The following CEP170B variants were observed in gnomAD, a reference collection of about 807,000 sequenced individuals.
CEP170B encodes centrosomal protein 170B.
A neutral mutation model predicts 120.6 loss-of-function variants in CEP170B; 55 were observed. The observed-to-expected ratio is 0.46, with a 90% CI of 0.37 to 0.57. The LOEUF is 0.57. Among genes scored for constraint, CEP170B ranks in the 20% least tolerant of loss-of-function variants. The pLI, the probability that CEP170B is intolerant of heterozygous loss-of-function variation, is 0.00. For missense variants in CEP170B, 2,212 were observed against 2,253.3 expected (o/e 0.98, Z 0.37); for synonymous variants, 1,033 against 954.5 (o/e 1.08, Z -1.52).
chr14:104,884,986 C>A (rs369019341), intron 9 of CEP170B, among the ~76,000 whole-genome samples: 11 of 114,652 alleles, frequency 9.6e-5, no homozygotes, highest in Admixed American at 1.9e-4. Context: ...GAGTGAGAGC[C>A]CTCGTGGGGA....
chr14:104,885,021 G>T (rs1251041334), intron 9 of CEP170B, among the ~76,000 whole-genome samples: 2 of 141,692 alleles, frequency 1.4e-5, no homozygotes, highest in African/African-American at 5.2e-5. Context: ...CGATGCCGGG[G>T]GTGGCGAGTG....
rs1268223014 is a variant in CEP170B at position 104,887,143 on chromosome 14, G to A, written c.2904G>A (p.Lys968=). 6.2e-7 allele frequency: 1 copy of A among 1,609,808 alleles called. No individual in the cohort carries two copies. The highest frequency in any genetic ancestry group is 1.7e-5 in the Admixed American group (1 of 60,010). ...TASTVSLRSG[K]SGPSPTTPQP... ...GCACCGTCAGCCTGCGTAGTGGCAAGAGCGGGCCCAGCCCCACAACCCCCC... is the reference window on the plus strand; with the variant it reads ...GCACCGTCAGCCTGCGTAGTGGCAAAAGCGGGCCCAGCCCCACAACCCCCC... The change falls in exon 12 of 19, where the codon AAG becomes AAA. Residue 968 remains lysine, a synonymous_variant. Transcript: ENST00000414716.
At chr14:104,881,027 A>G (rs1039205972) in intron 6 of CEP170B, among the ~76,000 whole-genome samples, 2 of 152,144 alleles carry the variant, frequency 1.3e-5, no homozygotes, top group Non-Finnish European at 2.9e-5. Context: ...CTCTGTCCCC[A>G]GTGGTGAGAG....
chr14:104,893,533 G>A lies in CEP170B; in HGVS notation c.4049G>A (p.Arg1350His), dbSNP rs772911584. ...TISAREELVQ[R>H]IPEASLNFQK... ...CCCTCCCTCTTGCAGCTGGTGCAGC[G>A]CATCCCCGAGGCCAGCCTCAACTTC... The change falls in exon 15 of 19, where the codon CGC (arginine) becomes CAC (histidine). Residue 1350 changes from arginine to histidine, a missense_variant. Physicochemically the swap from Arg to His is conservative, Grantham distance 29 (BLOSUM62 0). Coordinates refer to ENST00000414716, the MANE Select transcript of CEP170B (RefSeq NM_001112726.3). The A allele has an allele frequency of 5.9e-5, 94 of 1,602,876 alleles. No individual in the cohort carries two copies. In the East Asian group the frequency reaches 6.3e-4, roughly 11 times the overall value.
chr14:104,883,009 G>T (rs768608933), intron 7 of CEP170B, 26 bp from the exon 8 acceptor site: 7 of 1,487,100 alleles, frequency 4.7e-6, no homozygotes, highest in Middle Eastern at 3.6e-4. Flanking sequence ...CCTGAGGCCC[G>T]GTCTGAAGAC....
rs745357665 is a variant in CEP170B, at chr14:104,886,953, TCCACTC to T, written c.2718_2723del (p.His906_Ser907del). On this transcript the variant is annotated inframe_deletion, in exon 12 of 19. Transcript: ENST00000414716. ...GCTACCCGGGCCGCACGCATGGACT[TCCACTC>T]CCAGGACACCCACCTGATCTTGAAG... 1 of 1,608,750 alleles carries T rather than the reference TCCACTC, an allele frequency of 6.2e-7. No individual in the cohort carries two copies. Among genetic ancestry groups the T allele is most frequent in the Non-Finnish European group, 8.5e-7 (1 of 1,179,794 alleles).
In CEP170B at chr14:104,894,766, G is replaced by A. The variant is rs1374151072; in HGVS notation, c.4473G>A (p.Arg1491=). ...SGSLDLLTGN[R]SLASSAQPGL... ...GCCTGGACCTGCTCACAGGAAACAG[G>A]AGCTTGGCCAGCTCTGCACAGCCGG... The change falls in exon 19 of 19, where the codon AGG becomes AGA. Residue 1491 remains arginine (R), a synonymous_variant. Transcript: ENST00000414716. The A allele has an allele frequency of 1.9e-6, 3 of 1,602,972 alleles. No homozygotes were observed. The highest frequency in any genetic ancestry group is 2.7e-5 in the African/African-American group (2 of 74,806).
At position 104,867,678 on chromosome 14, in the gene CEP170B, C is replaced by T. The variant is rs142800428; in HGVS notation, c.-27-746C>T. Among the ~76,000 whole-genome samples, 38 of 152,094 alleles carry T rather than the reference C, an allele frequency of 2.5e-4. No homozygotes were observed. Among genetic ancestry groups the T allele is most frequent in the Non-Finnish European group, 4.1e-4 (28 of 67,960 alleles). On this transcript the variant is annotated intron_variant, in intron 1 of 18. Transcript: ENST00000414716. This position sits in a 1 kb window ranked among gnomAD's most constrained non-coding sequence, Gnocchi z 5.4. ...GCTGTCCCCGTTACCTCCCAGGCTG[C>T]CACGGGGCTCCCTGCCTGTCTACAC... is the stretch of plus-strand genomic sequence containing the variant.
chr14:104,892,060 G>A (rs1276539238), intron 13 of CEP170B, among the ~76,000 whole-genome samples: 1 of 152,152 alleles, frequency 6.6e-6, no homozygotes, highest in African/African-American at 2.4e-5. Flanking sequence ...TCTGTTCCTT[G>A]GGTGACTGCC....
intron 13 of CEP170B, among the ~76,000 whole-genome samples, chr14:104,892,740 C>T (rs117364891): frequency 0.011 from 1,665 of 152,382 alleles, 17 homozygotes; most frequent in Middle Eastern, 0.031. Flanking sequence ...CCGTCCCAGC[C>T]CCCCACCATC....
In CEP170B at chr14:104,886,122, G is replaced by A. The variant is rs1896483489; in HGVS notation, c.2027G>A (p.Gly676Asp). Reference protein sequence around the residue: ...ASLADSYSDPGLTEDGLGRRG... With the variant: ...ASLADSYSDPDLTEDGLGRRG... ...CTGGCTGACAGCTACTCAGACCCGG[G>A]CCTCACAGGTAAGTGGCTCCAGTGC... The change falls in exon 11 of 19, where the codon GGC (glycine) becomes GAC (aspartate). Residue 676 changes from glycine (G) to aspartate (D), a missense_variant. Transcript: ENST00000414716. 6.5e-7 allele frequency: 1 copy of A among 1,540,374 alleles called. No individual in the cohort carries two copies. Among genetic ancestry groups the A allele is most frequent in the East Asian group, 2.4e-5 (1 of 40,866 alleles).
Position 104,870,477 on chromosome 14 carries a change from G to A in CEP170B, c.105+1922G>A, listed in dbSNP as rs1316599889. Reference sequence around the variant, plus strand: ...CAGGGGTGGCATCAGTGATGGCCGCGCTGCTCTACCTAGGGTGGCTAGGAG... The same window carrying A: ...CAGGGGTGGCATCAGTGATGGCCGCACTGCTCTACCTAGGGTGGCTAGGAG... On this transcript the variant is annotated intron_variant, in intron 2 of 18. Coordinates refer to ENST00000414716, the MANE Select transcript of CEP170B (RefSeq NM_001112726.3). This position sits in a 1 kb window ranked among gnomAD's most constrained non-coding sequence, Gnocchi z 4.1. Among the ~76,000 whole-genome samples, 4 of 152,178 alleles carry A rather than the reference G, an allele frequency of 2.6e-5. No individual in the cohort carries two copies. The highest frequency in any genetic ancestry group is 4.8e-5 in the African/African-American group (2 of 41,430).
At position 104,889,661 on chromosome 14, in the gene CEP170B, TCCCGGGCCCCCGGCC is replaced by T; in HGVS notation, c.3788_3802del (p.Ala1263_Arg1267del). The T allele has an allele frequency of 6.2e-7, 1 of 1,611,978 alleles. No individual in the cohort carries two copies. The highest frequency in any genetic ancestry group is 8.5e-7 in the Non-Finnish European group (1 of 1,179,702). ...GGCTGGCAGCTCCAGCCGGGCTCGTTCCCGGGCCCCCGGCCCCCGGGACACGGACGACGATGAGGA... is the reference window on the plus strand; with the variant it reads ...GGCTGGCAGCTCCAGCCGGGCTCGTTCCCGGGACACGGACGACGATGAGGA... On this transcript the variant is annotated inframe_deletion, in exon 13 of 19. Coordinates refer to ENST00000414716, the MANE Select transcript of CEP170B (RefSeq NM_001112726.3).
At chr14:104,889,839 C>A in intron 13 of CEP170B, 81 bp downstream of exon 13, 1 of 1,458,164 alleles carries the variant, frequency 6.9e-7, no homozygotes, top group Non-Finnish European at 9.3e-7. Context: ...AGGGACCAGG[C>A]TGGGAGCTCC....
intron 17 of CEP170B, 44 bp from the exon 18 acceptor site, chr14:104,894,493 C>A: frequency 6.2e-7 from 1 of 1,603,742 alleles, no homozygotes. Flanking sequence ...AGGGCTGCAG[C>A]CCGTCAGAAG....
rs1387673046 is a variant in CEP170B, at chr14:104,870,094, G to A, written c.105+1539G>A. ...GAGTCGGTGGCTGGGGGCAGGAGTC[G>A]GCAAATGTTTTCTACAAGGGCCTGG... On this transcript the variant is annotated intron_variant, in intron 2 of 18. Transcript: ENST00000414716. The surrounding 1 kb of genome is among the most constrained non-coding windows in gnomAD (Gnocchi z 4.1). Among the ~76,000 whole-genome samples, 5 of 124,118 alleles carry A rather than the reference G, an allele frequency of 4.0e-5. No individual in the cohort carries two copies. Among genetic ancestry groups the A allele is most frequent in the East Asian group, 2.0e-4 (1 of 4,934 alleles). 81.4% of individuals were successfully genotyped at this position (124,118 alleles called of 152,430 possible).
At chr14:104,864,954 A>T (rs1445445719), upstream of CEP170B, among the ~76,000 whole-genome samples, 7 of 147,310 alleles carry the variant, frequency 4.8e-5, no homozygotes, top group Non-Finnish European at 9.0e-5. The surrounding 1 kb of genome is among the most constrained non-coding windows in gnomAD (Gnocchi z 5.9). Context: ...CCGGACCGGG[A>T]GGCGAAGCGG....
chr14:104,883,164 C>A lies in CEP170B; in HGVS notation c.707C>A (p.Pro236Gln), dbSNP rs61752555. Residue 236 changes from proline (P) to glutamine (Q), a missense_variant, in exon 8 of 19, where the codon CCG becomes CAG. By Grantham distance (76) the Pro-to-Gln change is moderately conservative (BLOSUM62 -1). Transcript: ENST00000414716. ...ATCCCCACGAAGGAGACCCCGCAGC[C>A]GTCGCAGCCCCCCGAGGTGCCGGCA... ...FEIPTKETPQ[P>Q]SQPPEVPAHE... 6.2e-7 allele frequency: 1 copy of A among 1,608,618 alleles called. No homozygotes were observed. The highest frequency in any genetic ancestry group is 1.1e-5 in the South Asian group (1 of 90,730).
intron 16 of CEP170B, chr14:104,894,083 C>G: frequency 1.5e-6 from 1 of 651,952 alleles, no homozygotes. Context: ...GCCCTCATCC[C>G]GGGCCCAGCC....
Sources: allele counts gnomAD v4.1 joint callset (sites outside exome capture counted in the v4.1 genomes callset), GRCh38; gene constraint gnomAD v4.1.1; non-coding constraint Gnocchi (gnomAD v3.1); transcripts MANE v1.5; gene names NCBI Gene and HGNC (gene_info 2026-07-23, HGNC 2026-07-21).